INPP5A: variants seen among roughly 807,000 people sequenced by gnomAD.
The protein encoded by INPP5A is inositol polyphosphate-5-phosphatase A, also known as 43 kDa inositol polyphosphate 5-phophatase.
A neutral mutation model predicts 65.2 loss-of-function variants in INPP5A; 14 were observed. The observed-to-expected ratio is 0.21, with a 90% confidence interval of 0.14 to 0.34. INPP5A has a LOEUF of 0.34. INPP5A is among the 10% of genes least tolerant of loss of function. The pLI is 1.00. For synonymous variants in INPP5A, 207 were observed against 208.3 expected (o/e 0.99, Z 0.05); for missense variants, 431 against 545.6 (o/e 0.79, Z 2.09).
intron 2 of INPP5A, among the ~76,000 whole-genome samples, chr10:132,619,373 G>A (rs1337757201): frequency 6.6e-6 from 1 of 152,194 alleles, no homozygotes; most frequent in Non-Finnish European, 1.5e-5. Flanking sequence ...ACAGGCTCAA[G>A]GGGTGGGCTT....
intron 7 of INPP5A, among the ~76,000 whole-genome samples, chr10:132,709,769 A>G (rs34459585): frequency 0.19 from 29,283 of 152,158 alleles, 2,946 homozygotes; most frequent in African/African-American, 0.24. Context: ...CCCTGGTGAG[A>G]GGGCACGTCC....
At chr10:132,557,599 A>G (rs1214792054) in intron 1 of INPP5A, among the ~76,000 whole-genome samples, 1 of 152,222 alleles carries the variant, frequency 6.6e-6, no homozygotes, top group Non-Finnish European at 1.5e-5. Flanking sequence ...GCAAGTGCAG[A>G]GGGTCATTGA....
chr10:132,649,505 A>C (rs1339456120), intron 3 of INPP5A, among the ~76,000 whole-genome samples: 1 of 152,186 alleles, frequency 6.6e-6, no homozygotes, highest in Non-Finnish European at 1.5e-5. Context: ...AGCGTGTTGA[A>C]GGTTGTGTTT....
In INPP5A at chr10:132,547,993, A is replaced by G. The variant is rs1007869600; in HGVS notation, c.75+9822A>G. On this transcript the variant is annotated intron_variant, in intron 1 of 15. Transcript: ENST00000368594. The surrounding 1 kb of genome is among the most constrained non-coding windows in gnomAD (Gnocchi z 5.5). The stretch of plus-strand genomic sequence containing the variant: ...CACCTCACTGCGACCTCCGCCTCCC[A>G]GGTTCAAGCAGTTCTCCTGCCTCAG... Among the ~76,000 whole-genome samples, 3 of 151,650 alleles carry G rather than the reference A, an allele frequency of 2.0e-5. No homozygotes were observed. Among genetic ancestry groups the G allele is most frequent in the Non-Finnish European group, 4.4e-5 (3 of 67,910 alleles).
intron 8 of INPP5A, among the ~76,000 whole-genome samples, chr10:132,724,049 C>T (rs1845941554): frequency 6.6e-6 from 1 of 152,180 alleles, no homozygotes; most frequent in Non-Finnish European, 1.5e-5. Context: ...CCAAGCCAAA[C>T]TATAGCAATT....
intron 1 of INPP5A, among the ~76,000 whole-genome samples, chr10:132,558,635 C>T (rs2071160137): frequency 6.6e-6 from 1 of 152,214 alleles, no homozygotes; most frequent in Admixed American, 6.5e-5. Flanking sequence ...GGAGCCCTTC[C>T]TCCTTCTCCC....
chr10:132,727,608 C>T lies in INPP5A; in HGVS notation c.732+703C>T, dbSNP rs145689832. Reference sequence around the variant, plus strand: ...TCCCAGTTTTCATGACTTGGGATTCCACTTCCCGGGCAGCTGTGAAGAGGG... The same window carrying T: ...TCCCAGTTTTCATGACTTGGGATTCTACTTCCCGGGCAGCTGTGAAGAGGG... On this transcript the variant is annotated intron_variant, in intron 9 of 15. Transcript: ENST00000368594. This position sits in a 1 kb window ranked among gnomAD's most constrained non-coding sequence, Gnocchi z 6.5. Among the ~76,000 whole-genome samples the T allele has an allele frequency of 1.8e-4, 27 of 152,226 alleles. No homozygotes were observed. In the East Asian group the frequency reaches 4.6e-3, roughly 26 times the overall value.
In INPP5A at chr10:132,686,773, G is replaced by C. The variant is rs533383471; in HGVS notation, c.307-3619G>C. Among the ~76,000 whole-genome samples, 3 of 152,270 alleles carry C rather than the reference G, an allele frequency of 2.0e-5. No homozygotes were observed. In the South Asian group the frequency reaches 6.2e-4, roughly 32 times the overall value. On this transcript the variant is annotated intron_variant, in intron 4 of 15. Transcript: ENST00000368594. ...GCGACATTTATTATGTTTTTTCAGA[G>C]TGCTTTCTTTATCTGAAACAAATGA...
intron 11 of INPP5A, among the ~76,000 whole-genome samples, chr10:132,758,607 C>T (rs538096626): frequency 3.3e-5 from 5 of 151,994 alleles, no homozygotes; most frequent in Non-Finnish European, 7.4e-5. Flanking sequence ...TGGGCCAGTG[C>T]GATGATGTGG....
chr10:132,645,587 A>G lies in INPP5A; in HGVS notation c.118-281A>G, dbSNP rs555296129. On this transcript the variant is annotated intron_variant, in intron 2 of 15. Coordinates refer to ENST00000368594, the MANE Select transcript of INPP5A (RefSeq NM_005539.5). ...GCATAACATTTTTTTAACTAGAAATAAGGCCTCTAGATGATTGAAGAGGCT... is the reference window on the plus strand; with the variant it reads ...GCATAACATTTTTTTAACTAGAAATGAGGCCTCTAGATGATTGAAGAGGCT... Among the ~76,000 whole-genome samples, 7 of 152,350 alleles carry G rather than the reference A, an allele frequency of 4.6e-5. No homozygotes were observed. The East Asian group carries it at 1.4e-3, about 29-fold the overall frequency.
chr10:132,538,247 C>T lies in INPP5A; in HGVS notation c.75+76C>T, dbSNP rs533815336. On this transcript the variant is annotated intron_variant, in intron 1 of 15. Transcript: ENST00000368594. This position sits in a 1 kb window ranked among gnomAD's most constrained non-coding sequence, Gnocchi z 4.1. ...GACCCCGGGGTCCCGAACTGCAAGC[C>T]TTGGACCCTGGACCGTGAACCTCCA... 3.5e-5 allele frequency: 31 copies of T among 876,120 alleles called. No homozygotes were observed. The African/African-American group carries it at 4.9e-4, about 14-fold the overall frequency. The allele number at this position is 876,120 out of a possible 1,614,324, so 54.3% of individuals were successfully genotyped here. A position where few individuals can be genotyped will look rare whatever the true frequency, so the allele number is the denominator to read the frequency against.
chr10:132,750,757 G>A (rs555392136), intron 11 of INPP5A, among the ~76,000 whole-genome samples: 54 of 152,228 alleles, frequency 3.5e-4, no homozygotes, highest in African/African-American at 1.2e-3. Flanking sequence ...TGGAAACCTC[G>A]GCATCAGTTC....
intron 8 of INPP5A, among the ~76,000 whole-genome samples, chr10:132,712,722 G>T (rs867986543): frequency 6.6e-5 from 10 of 151,628 alleles, no homozygotes; most frequent in South Asian, 6.3e-4. Context: ...GAGTGCAGGT[G>T]TATGCATGTG....
At chr10:132,711,626 G>A (rs529498096) in intron 8 of INPP5A, among the ~76,000 whole-genome samples, 9 of 152,188 alleles carry the variant, frequency 5.9e-5, no homozygotes, top group East Asian at 1.9e-4. Flanking sequence ...CCGACTAAGC[G>A]TGCGAGGGCC....
intron 11 of INPP5A, among the ~76,000 whole-genome samples, chr10:132,751,580 GGA>G (rs1463353703): frequency 6.6e-6 from 1 of 152,252 alleles, no homozygotes; most frequent in Non-Finnish European, 1.5e-5. Context: ...TGGGGAGCAG[GGA>G]GAGCCTGGGG....
intron 1 of INPP5A, among the ~76,000 whole-genome samples, chr10:132,540,361 CTA>C (rs970958903): frequency 6.6e-6 from 1 of 152,152 alleles, no homozygotes; most frequent in African/African-American, 2.4e-5. Context: ...TTCTTAAAGG[CTA>C]TGTGGAATTT....
rs138702295 is a variant in INPP5A at position 132,755,324 on chromosome 10, AGT to A, written c.903+5485_903+5486del. On this transcript the variant is annotated intron_variant, in intron 11 of 15. Coordinates refer to ENST00000368594, the MANE Select transcript of INPP5A (RefSeq NM_005539.5). ...GTATGCATATGCATTTGAGTGGGCG[AGT>A]GTGTGAGCTGTGTGAGCGTGTGTGT... Among the ~76,000 whole-genome samples, 1,000 of 142,920 alleles carry A rather than the reference AGT, an allele frequency of 7.0e-3. 32 individuals carry two copies. In the East Asian group the frequency reaches 0.11, roughly 16 times the overall value. The allele number at this position is 142,920 out of a possible 152,430, so 93.8% of individuals were successfully genotyped here. A position where few individuals can be genotyped will look rare whatever the true frequency, so the allele number is the denominator to read the frequency against.
intron 13 of INPP5A, among the ~76,000 whole-genome samples, chr10:132,778,302 ATTTTT>A (rs57172206): frequency 2.8e-3 from 201 of 72,960 alleles, no homozygotes; most frequent in African/African-American, 0.013. Context: ...TTTAATAATA[ATTTTT>A]TTTTTTTTTT....
chr10:132,684,895 A>T (rs1408244288), intron 4 of INPP5A, among the ~76,000 whole-genome samples: 1 of 152,204 alleles, frequency 6.6e-6, no homozygotes, highest in South Asian at 2.1e-4. Flanking sequence ...TCCTCACAGC[A>T]TGCAGCTGGG....
Sources: gnomAD v4.1 joint callset for allele counts (sites outside exome capture counted in the v4.1 genomes callset) on GRCh38, gnomAD v4.1.1 for gene constraint, Gnocchi (gnomAD v3.1) non-coding constraint, MANE v1.5 for transcripts, NCBI Gene and HGNC (gene_info 2026-07-23, HGNC 2026-07-21) for gene names.